TUBGCP3: variants seen among roughly 807,000 people sequenced by gnomAD.
TUBGCP3 encodes the protein gamma-tubulin complex component 3.
Under a neutral mutation model 123.1 loss-of-function variants are expected in TUBGCP3, and 50 were observed. The observed-to-expected ratio is 0.41, with a 90% CI of 0.32 to 0.51. The LOEUF is 0.51. Ranked by LOEUF, TUBGCP3 falls within the 20% of genes least tolerant of loss-of-function variation. The probability of loss-of-function intolerance (pLI) is 0.36; values close to 1 mark genes in which losing one functional copy is unlikely to be tolerated. For synonymous variants in TUBGCP3, 405 were observed against 413.9 expected (o/e 0.98, Z 0.26); for missense variants, 882 against 1,127.0 (o/e 0.78, Z 3.11).
rs145266974 is a variant in TUBGCP3, at chr13:112,504,007, G to A, written c.2307+25C>T. ...AAGAAGATGATTCTTTTGGTTTCTT[G>A]TTTCTAAGCAGGTCGGAGTCTTACC... On this transcript the variant is annotated intron_variant, in intron 19 of 21. Coordinates refer to ENST00000261965, the MANE Select transcript of TUBGCP3 (RefSeq NM_006322.6). 5.3e-4 allele frequency: 831 copies of A among 1,572,536 alleles called. 1 individual carries two copies. In the African/African-American group the frequency reaches 0.01, roughly 19 times the overall value.
At chr13:112,499,343 C>T (rs1268477438) in intron 19 of TUBGCP3, among the ~76,000 whole-genome samples, 158 bp from the exon 20 acceptor site, 1 of 152,242 alleles carries the variant, frequency 6.6e-6, no homozygotes, top group East Asian at 1.9e-4. Context: ...CCACACATTT[C>T]CTGAACCCTC....
chr13:112,592,320 G>C (rs113529456), upstream of TUBGCP3, among the ~76,000 whole-genome samples: 2 of 152,324 alleles, frequency 1.3e-5, no homozygotes, highest in South Asian at 4.1e-4. This position sits in a 1 kb window ranked among gnomAD's most constrained non-coding sequence, Gnocchi z 4.1. Flanking sequence ...GTGAGGTGCT[G>C]AGCGAGAGGG....
chr13:112,554,847 T>C lies in TUBGCP3; in HGVS notation c.840+40A>G, dbSNP rs776983369. 12 of 1,440,502 alleles carry C rather than the reference T, an allele frequency of 8.3e-6. No homozygotes were observed. In the African/African-American group the frequency reaches 1.7e-4, roughly 20 times the overall value. 89.2% of individuals were successfully genotyped at this position (1,440,502 alleles called of 1,614,324 possible). On this transcript the variant is annotated intron_variant, in intron 7 of 21. Transcript: ENST00000261965. Reference sequence around the variant, plus strand: ...TATCTGGACTTCATGACATGTTTTTTCTTTCTGAATATTTTAACTTAGATT... The same window carrying C: ...TATCTGGACTTCATGACATGTTTTTCCTTTCTGAATATTTTAACTTAGATT...
chr13:112,548,588 T>C (rs191232215), intron 8 of TUBGCP3, among the ~76,000 whole-genome samples: 10 of 152,342 alleles, frequency 6.6e-5, no homozygotes, highest in South Asian at 2.1e-4. Context: ...TCTACCCTTC[T>C]GACAAAGGGC....
chr13:112,521,043 G>A (rs997307514), intron 14 of TUBGCP3, among the ~76,000 whole-genome samples: 7 of 152,152 alleles, frequency 4.6e-5, no homozygotes, highest in Non-Finnish European at 1.0e-4. Flanking sequence ...GCGTTCAGCC[G>A]GCTCTATGAT....
intron 17 of TUBGCP3, among the ~76,000 whole-genome samples, chr13:112,506,992 G>A (rs1197837146): frequency 6.6e-6 from 1 of 152,192 alleles, no homozygotes; most frequent in Non-Finnish European, 1.5e-5. Flanking sequence ...CTGGAGAATG[G>A]TGAGTATTTA....
intron 10 of TUBGCP3, chr13:112,546,678 G>A (rs569831322): frequency 6.6e-6 from 1 of 152,350 alleles, no homozygotes; most frequent in Non-Finnish European, 1.5e-5. Flanking sequence ...GCAGAGTGAA[G>A]ACAGTGAAGG....
intron 17 of TUBGCP3, among the ~76,000 whole-genome samples, chr13:112,509,422 G>A (rs974038702): frequency 9.2e-5 from 14 of 152,194 alleles, no homozygotes; most frequent in African/African-American, 1.9e-4. Context: ...GACACTGGAC[G>A]TCAGAGCAGG....
chr13:112,569,055 G>T, intron 2 of TUBGCP3, 97 bp downstream of exon 2: 1 of 1,088,282 alleles, frequency 9.2e-7, no homozygotes, highest in East Asian at 2.5e-5. Flanking sequence ...AATGCGCTTG[G>T]GAACTACATA....
chr13:112,576,173 A>G (rs920992016), intron 1 of TUBGCP3, among the ~76,000 whole-genome samples: 2 of 152,250 alleles, frequency 1.3e-5, no homozygotes, highest in African/African-American at 4.8e-5. Flanking sequence ...GAACAGCTAA[A>G]AAATTTAACA....
chr13:112,517,650 T>G (rs1026998316), intron 16 of TUBGCP3, among the ~76,000 whole-genome samples: 15 of 152,170 alleles, frequency 9.9e-5, no homozygotes, highest in Non-Finnish European at 1.8e-4. Context: ...CCCAGCACTT[T>G]GGGAGGGAGG....
At position 112,556,231 on chromosome 13, in the gene TUBGCP3, A is replaced by C. The variant is rs767621942; in HGVS notation, c.549-7T>G. 2.5e-6 allele frequency: 4 copies of C among 1,610,608 alleles called. No homozygotes were observed. Among genetic ancestry groups the C allele is most frequent in the Non-Finnish European group, 3.4e-6 (4 of 1,177,184 alleles). Reference sequence around the variant, plus strand: ...TGGAGCTTGATTAGACTGTCTAAAAAAAGAAACATGTATTATCTTCTAATA... The same window carrying C: ...TGGAGCTTGATTAGACTGTCTAAAACAAGAAACATGTATTATCTTCTAATA... On this transcript the variant is annotated splice_region_variant and splice_polypyrimidine_tract_variant and intron_variant, in intron 5 of 21. Transcript: ENST00000261965.
intron 14 of TUBGCP3, chr13:112,521,814 A>C (rs983710005): frequency 1.0e-6 from 1 of 985,312 alleles, no homozygotes; most frequent in African/African-American, 1.7e-5. Context: ...TAGACCTAGA[A>C]GCACAGCAGG....
intron 11 of TUBGCP3, among the ~76,000 whole-genome samples, chr13:112,537,397 T>C (rs1447843215): frequency 2.0e-5 from 3 of 152,154 alleles, no homozygotes; most frequent in African/African-American, 7.2e-5. Context: ...TCAGCACCAG[T>C]TGAGTTGATC....
At chr13:112,553,017 A>C (rs1330813147) in intron 8 of TUBGCP3, among the ~76,000 whole-genome samples, 16 of 126,072 alleles carry the variant, frequency 1.3e-4, no homozygotes, top group African/African-American at 3.4e-4. Flanking sequence ...CACCACCCAC[A>C]CTCCTCCTCA....
At chr13:112,548,076 T>C (rs899014947) in intron 9 of TUBGCP3, 32 bp downstream of exon 9, 4 of 1,488,514 alleles carry the variant, frequency 2.7e-6, no homozygotes, top group East Asian at 2.5e-5. Flanking sequence ...CTTCAAATCA[T>C]AAAGAAATAA....
chr13:112,505,913 G>C (rs9603904), intron 17 of TUBGCP3, among the ~76,000 whole-genome samples: 13,514 of 152,108 alleles, frequency 0.089, 1,560 homozygotes, highest in African/African-American at 0.26. Context: ...CACCTGCCCG[G>C]TGCCTGGGTC....
chr13:112,587,917 C>T lies in TUBGCP3; in HGVS notation c.64G>A (p.Gly22Ser). The T allele has an allele frequency of 6.3e-7, 1 of 1,594,760 alleles. No individual in the cohort carries two copies. Among genetic ancestry groups the T allele is most frequent in the Non-Finnish European group, 8.5e-7 (1 of 1,172,306 alleles). The change falls in exon 1 of 22, where the codon GGC becomes AGC. Residue 22 changes from glycine to serine, a missense_variant. Physicochemically the swap from Gly to Ser is moderately conservative, Grantham distance 56. Transcript: ENST00000261965. ...CCGGCCACTCTACCTTCGCTCCTGC[C>T]CAGGATCCTGCAGCACAGGTTCTGC... The part of the protein sequence containing the change: ...LLQNLCCRIL[G>S]RSEADVAQQF...
chr13:112,521,711 A>G (rs1876639227), intron 14 of TUBGCP3: 1 of 985,330 alleles, frequency 1.0e-6, no homozygotes, highest in Non-Finnish European at 1.2e-6. Flanking sequence ...ATTCTTCTAA[A>G]CACTTGGGTG....
Sources: gnomAD v4.1 joint callset for allele counts (sites outside exome capture counted in the v4.1 genomes callset) on GRCh38, gnomAD v4.1.1 for gene constraint, Gnocchi (gnomAD v3.1) non-coding constraint, MANE v1.5 for transcripts, NCBI Gene and HGNC (gene_info 2026-07-23, HGNC 2026-07-21) for gene names.